NUP205: variants seen among roughly 807,000 people sequenced by gnomAD.
The protein encoded by NUP205 is nuclear pore complex protein Nup205.
A neutral mutation model predicts 253.8 loss-of-function variants in NUP205; 76 were observed. That is an observed-to-expected ratio of 0.30 (90% CI 0.25 to 0.36). The LOEUF (loss-of-function observed/expected upper bound fraction) is 0.36, where lower values mean the gene tolerates loss of function less well. Ranked by LOEUF, NUP205 falls within the 10% of genes least tolerant of loss-of-function variation. The probability of loss-of-function intolerance (pLI) is 1.00; values close to 1 mark genes in which losing one functional copy is unlikely to be tolerated. For synonymous variants in NUP205, 832 were observed against 850.1 expected (o/e 0.98, Z 0.37); for missense variants, 2,162 against 2,425.5 (o/e 0.89, Z 2.28).
chr7:135,558,093 C>T, intron 1 of NUP205, 121 bp downstream of exon 1: 1 of 857,132 alleles, frequency 1.2e-6, no homozygotes, highest in Non-Finnish European at 2.0e-6. Context: ...CTGCTTTTCC[C>T]TAATTCTGGG....
At chr7:135,635,692 A>G in intron 36 of NUP205, 35 bp downstream of exon 36, 1 of 1,270,796 alleles carries the variant, frequency 7.9e-7, no homozygotes, top group Non-Finnish European at 1.1e-6. Context: ...TAGCAGTTAT[A>G]AGACATGTTA....
chr7:135,639,697 A>G (rs553961621), intron 38 of NUP205, among the ~76,000 whole-genome samples: 1 of 152,260 alleles, frequency 6.6e-6, no homozygotes, highest in South Asian at 2.1e-4. Context: ...TCTCAAAAAA[A>G]AAAAAAAAAA....
chr7:135,635,932 C>T (rs918830139), intron 36 of NUP205, among the ~76,000 whole-genome samples: 1 of 152,086 alleles, frequency 6.6e-6, no homozygotes, highest in African/African-American at 2.4e-5. Flanking sequence ...CCATAACACC[C>T]CCTGAAACTC....
At chr7:135,611,916 C>T (rs975888184) in intron 22 of NUP205, among the ~76,000 whole-genome samples, 4 of 152,056 alleles carry the variant, frequency 2.6e-5, no homozygotes, top group African/African-American at 9.7e-5. Context: ...AGATCAAGAC[C>T]ATCCTGGCTA....
intron 31 of NUP205, among the ~76,000 whole-genome samples, chr7:135,623,176 G>T (rs1794513471): frequency 6.6e-6 from 1 of 152,144 alleles, no homozygotes; most frequent in South Asian, 2.1e-4. Context: ...TTACTTGGGA[G>T]GCTGAGGTGG....
At chr7:135,591,405 G>T in intron 10 of NUP205, 45 bp from the exon 11 acceptor site, 1 of 1,575,464 alleles carries the variant, frequency 6.3e-7, no homozygotes, top group Non-Finnish European at 8.7e-7. Flanking sequence ...TTGCCTTAAA[G>T]TTAAGATATA....
chr7:135,604,002 GTGTT>G (rs900610664), intron 18 of NUP205, among the ~76,000 whole-genome samples: 72 of 152,254 alleles, frequency 4.7e-4, no homozygotes, highest in African/African-American at 1.7e-3. Flanking sequence ...CCCTGTGTGT[GTGTT>G]TGTGTCTGAA....
rs2129492623 is a variant in NUP205 at position 135,643,274 on chromosome 7, T to C, written c.5475T>C (p.Asp1825=). The change falls in exon 39 of 43, where the codon GAT becomes GAC. Residue 1825 remains aspartate, a synonymous_variant. Coordinates refer to ENST00000285968, the MANE Select transcript of NUP205 (RefSeq NM_015135.3). ...ACCTGCTGAAACAGAGTGCTAATGA[T>C]TTCTTCAGCTATTATGACAGTCATC... is the stretch of plus-strand genomic sequence containing the variant. The part of the protein sequence containing the change: ...IIYLLKQSAN[D]FFSYYDSHRQ... 6.2e-7 allele frequency: 1 copy of C among 1,614,146 alleles called. No homozygotes were observed. Among genetic ancestry groups the C allele is most frequent in the Non-Finnish European group, 8.5e-7 (1 of 1,179,976 alleles).
At chr7:135,577,539 C>T (rs144811608) in intron 5 of NUP205, among the ~76,000 whole-genome samples, 135 of 152,178 alleles carry the variant, frequency 8.9e-4, no homozygotes, top group African/African-American at 3.0e-3. Context: ...GTTTCAGCTT[C>T]GGTATAGTCA....
intron 40 of NUP205, 48 bp downstream of exon 40, chr7:135,645,066 G>A (rs1419721517): frequency 6.2e-7 from 1 of 1,603,736 alleles, no homozygotes; most frequent in Non-Finnish European, 8.5e-7. Flanking sequence ...TGAAATATAG[G>A]AACTGTTCAC....
intron 1 of NUP205, among the ~76,000 whole-genome samples, chr7:135,567,126 GTGTATATATATA>G (rs1299262474): frequency 1.1e-3 from 6 of 5,378 alleles, no homozygotes; most frequent in Admixed American, 7.9e-3. Context: ...CAGTCTATGT[GTGTATATATATA>G]TATATATATA....
At chr7:135,624,095 T>C (rs572980579) in intron 31 of NUP205, among the ~76,000 whole-genome samples, 18 of 152,268 alleles carry the variant, frequency 1.2e-4, no homozygotes, top group African/African-American at 4.1e-4. Flanking sequence ...TTTTAAGTTA[T>C]GTTTTAAAAA....
intron 5 of NUP205, among the ~76,000 whole-genome samples, chr7:135,577,355 A>G (rs1021526204): frequency 6.6e-6 from 1 of 152,222 alleles, no homozygotes; most frequent in African/African-American, 2.4e-5. Context: ...GTAATAAATC[A>G]TAATTAGCAT....
At chr7:135,561,895 C>T (rs1189838838) in intron 1 of NUP205, among the ~76,000 whole-genome samples, 1 of 151,250 alleles carries the variant, frequency 6.6e-6, no homozygotes, top group East Asian at 2.0e-4. Flanking sequence ...CTCCTTCCTT[C>T]CTTTGTTCCT....
chr7:135,594,317 A>G (rs2129490342), intron 12 of NUP205, among the ~76,000 whole-genome samples: 1 of 152,344 alleles, frequency 6.6e-6, no homozygotes, highest in Non-Finnish European at 1.5e-5. Flanking sequence ...TTGGAACTGC[A>G]AAAGTAATTC....
chr7:135,617,688 C>T lies in NUP205; in HGVS notation c.3771+6C>T, dbSNP rs1235074018. ...AGAGACCTCTACTAATGGAGGTAAG[C>T]TCTATTGAGTATGTGTTCGTTTCAA... is the stretch of plus-strand genomic sequence containing the variant. On this transcript the variant is annotated splice_donor_region_variant and intron_variant, in intron 27 of 42. Coordinates refer to ENST00000285968, the MANE Select transcript of NUP205 (RefSeq NM_015135.3). 1.3e-6 allele frequency: 2 copies of T among 1,576,466 alleles called. No individual in the cohort carries two copies. The highest frequency in any genetic ancestry group is 2.7e-5 in the African/African-American group (2 of 74,062).
At chr7:135,600,680 C>T (rs1443108370) in intron 15 of NUP205, among the ~76,000 whole-genome samples, 190 bp from the exon 16 acceptor site, 1 of 152,038 alleles carries the variant, frequency 6.6e-6, no homozygotes, top group Non-Finnish European at 1.5e-5. Flanking sequence ...TGAAAATGAG[C>T]CAATTCATTA....
chr7:135,597,434 T>C lies in NUP205; in HGVS notation c.2064+16T>C. 1 of 1,558,506 alleles carries C rather than the reference T, an allele frequency of 6.4e-7. No homozygotes were observed. The highest frequency in any genetic ancestry group is 8.9e-7 in the Non-Finnish European group (1 of 1,129,414). Reference sequence around the variant, plus strand: ...TGGTATTGAGGTAAAGTTTTCCTTTTAGTTTAAATGTTAATTCATTCATGC... The same window carrying C: ...TGGTATTGAGGTAAAGTTTTCCTTTCAGTTTAAATGTTAATTCATTCATGC... On this transcript the variant is annotated intron_variant, in intron 14 of 42. Coordinates refer to ENST00000285968, the MANE Select transcript of NUP205 (RefSeq NM_015135.3).
chr7:135,635,474 A>G, intron 35 of NUP205, 107 bp from the exon 36 acceptor site: 1 of 583,546 alleles, frequency 1.7e-6, no homozygotes, highest in East Asian at 3.1e-5. Flanking sequence ...TGGCAAGAAT[A>G]TCTGTTCATG....
Sources: gnomAD v4.1 joint callset for allele counts (sites outside exome capture counted in the v4.1 genomes callset) on GRCh38, gnomAD v4.1.1 for gene constraint, MANE v1.5 for transcripts, NCBI Gene and HGNC (gene_info 2026-07-23, HGNC 2026-07-21) for gene names.